The following CDKAL1 variants were observed in gnomAD, a reference collection of about 807,000 sequenced individuals.
The protein encoded by CDKAL1 is threonylcarbamoyladenosine tRNA methylthiotransferase.
A neutral mutation model predicts 68.2 loss-of-function variants in CDKAL1; 32 were observed. The ratio of observed to expected loss-of-function variants is 0.47; its 90% CI spans 0.35 to 0.63. CDKAL1 has a LOEUF of 0.63. Ranked by LOEUF, CDKAL1 falls within the 30% of genes least tolerant of loss-of-function variation. The pLI is 0.00. For synonymous variants in CDKAL1, 234 were observed against 244.3 expected (o/e 0.96, Z 0.39); for missense variants, 606 against 696.7 (o/e 0.87, Z 1.47).
intron 4 of CDKAL1, among the ~76,000 whole-genome samples, chr6:20,645,208 C>T (rs1768384609): frequency 1.3e-5 from 2 of 152,098 alleles, no homozygotes; most frequent in Non-Finnish European, 1.5e-5. Context: ...ATACCCTGCA[C>T]CCTACTGTAG....
chr6:20,929,659 A>G (rs1763339026), intron 9 of CDKAL1, among the ~76,000 whole-genome samples: 1 of 152,186 alleles, frequency 6.6e-6, no homozygotes, highest in Non-Finnish European at 1.5e-5. Context: ...GTGTATTATT[A>G]TCAGGATGGA....
At chr6:21,055,979 T>A (rs1030847499) in intron 11 of CDKAL1, among the ~76,000 whole-genome samples, 6 of 152,090 alleles carry the variant, frequency 3.9e-5, no homozygotes. Flanking sequence ...CTAATTTACA[T>A]CCCCACCAAC....
intron 9 of CDKAL1, among the ~76,000 whole-genome samples, chr6:20,917,135 C>T (rs920638190): frequency 6.6e-6 from 1 of 152,104 alleles, no homozygotes; most frequent in South Asian, 2.1e-4. Context: ...CACACATCAC[C>T]ACGCCCAGCT....
At chr6:21,142,956 G>C (rs1775994013) in intron 13 of CDKAL1, among the ~76,000 whole-genome samples, 1 of 152,140 alleles carries the variant, frequency 6.6e-6, no homozygotes, top group Non-Finnish European at 1.5e-5. Context: ...GTTCTAACTA[G>C]TGTAGAAAAA....
intron 7 of CDKAL1, among the ~76,000 whole-genome samples, chr6:20,766,241 G>A (rs902502289): frequency 6.6e-6 from 1 of 152,020 alleles, no homozygotes; most frequent in African/African-American, 2.4e-5. Flanking sequence ...CATCATTAAT[G>A]GAGTTTATTT....
chr6:20,678,889 T>G (rs1198502975), intron 5 of CDKAL1, among the ~76,000 whole-genome samples: 1 of 152,202 alleles, frequency 6.6e-6, no homozygotes, highest in African/African-American at 2.4e-5. Context: ...GCCTGTAGTT[T>G]CATTGCCTAT....
intron 9 of CDKAL1, among the ~76,000 whole-genome samples, chr6:20,923,203 G>A (rs1763037060): frequency 6.6e-6 from 1 of 152,114 alleles, no homozygotes; most frequent in African/African-American, 2.4e-5. Flanking sequence ...TTATAGGCAC[G>A]AGCCACCATG....
intron 10 of CDKAL1, among the ~76,000 whole-genome samples, chr6:20,959,608 A>T (rs1764955691): frequency 6.7e-6 from 1 of 149,614 alleles, no homozygotes; most frequent in African/African-American, 2.5e-5. Context: ...TTCTCATGAT[A>T]TACTTACCAT....
intron 10 of CDKAL1, among the ~76,000 whole-genome samples, chr6:20,986,794 A>G (rs930364462): frequency 2.0e-5 from 3 of 152,218 alleles, no homozygotes; most frequent in Non-Finnish European, 4.4e-5. Flanking sequence ...AGATTATTTT[A>G]TAAAATATGC....
At chr6:20,735,651 AT>A (rs1234943012) in intron 5 of CDKAL1, among the ~76,000 whole-genome samples, 1 of 152,148 alleles carries the variant, frequency 6.6e-6, no homozygotes, top group Non-Finnish European at 1.5e-5. Context: ...TTTTCTTTGA[AT>A]TTTTTGGTGT....
rs923418659 is a variant in CDKAL1 at position 21,138,231 on chromosome 6, GTGTGTC to G, written c.1299+29774_1299+29779del. 3.0e-3 allele frequency among the ~76,000 whole-genome samples: 129 copies of G among 42,760 alleles called. 1 individual carries two copies. The South Asian group carries it at 0.046, about 15-fold the overall frequency. The allele number at this position is 42,760 out of a possible 152,430, so 28.1% of individuals were successfully genotyped here. On this transcript the variant is annotated intron_variant, in intron 13 of 15. Coordinates refer to ENST00000274695, the MANE Select transcript of CDKAL1 (RefSeq NM_017774.3). ...AACCCACATTTGTGTGTGTGTATGT[GTGTGTC>G]TGTGTGTGTGTGTGTGTGTATGCTG...
At chr6:21,081,226 A>G (rs1772383145) in intron 12 of CDKAL1, among the ~76,000 whole-genome samples, 2 of 152,328 alleles carry the variant, frequency 1.3e-5, no homozygotes, top group Admixed American at 1.3e-4. Flanking sequence ...ATATGTGGTT[A>G]TAAGTTTTCT....
chr6:21,224,129 C>G (rs1779640204), intron 15 of CDKAL1, among the ~76,000 whole-genome samples: 1 of 152,130 alleles, frequency 6.6e-6, no homozygotes, highest in Non-Finnish European at 1.5e-5. Context: ...GTCATGTCCC[C>G]CACCCAAAGA....
intron 4 of CDKAL1, among the ~76,000 whole-genome samples, chr6:20,560,428 C>T (rs971965826): frequency 5.9e-5 from 9 of 152,140 alleles, no homozygotes; most frequent in African/African-American, 2.2e-4. Flanking sequence ...CTTCATTGCT[C>T]TGTTGCCCTG....
At chr6:21,184,172 T>C (rs771452739) in intron 13 of CDKAL1, among the ~76,000 whole-genome samples, 1 of 150,532 alleles carries the variant, frequency 6.6e-6, no homozygotes, top group Non-Finnish European at 1.5e-5. Context: ...GAAAATATTT[T>C]ACCCCGAAAT....
intron 12 of CDKAL1, among the ~76,000 whole-genome samples, chr6:21,090,206 G>T (rs1162437009): frequency 6.6e-6 from 1 of 152,198 alleles, no homozygotes; most frequent in East Asian, 1.9e-4. Context: ...TAAGAACCTT[G>T]TATGTTGATA....
At chr6:21,090,790 A>C (rs912791376) in intron 12 of CDKAL1, among the ~76,000 whole-genome samples, 1 of 145,902 alleles carries the variant, frequency 6.9e-6, no homozygotes, top group Non-Finnish European at 1.5e-5. Flanking sequence ...GTATACTAAC[A>C]ATTTTTTCTT....
chr6:21,132,503 G>A (rs1465180375), intron 13 of CDKAL1, among the ~76,000 whole-genome samples: 599 of 151,688 alleles, frequency 3.9e-3, no homozygotes, highest in African/African-American at 0.014. Context: ...TCTTATTTAT[G>A]TTAATATGTA....
At chr6:20,890,320 A>T (rs1185095405) in intron 9 of CDKAL1, among the ~76,000 whole-genome samples, 7 of 152,356 alleles carry the variant, frequency 4.6e-5, no homozygotes, top group African/African-American at 1.7e-4. Context: ...AGCAAGATGC[A>T]TAAGAAGTGG....
Sources: gnomAD v4.1 joint callset for allele counts (sites outside exome capture counted in the v4.1 genomes callset) on GRCh38, gnomAD v4.1.1 for gene constraint, MANE v1.5 for transcripts, NCBI Gene and HGNC (gene_info 2026-07-23, HGNC 2026-07-21) for gene names.